Variants in TRHDE observed in about 807,000 individuals in gnomAD.
TRHDE encodes the protein thyrotropin releasing hormone degrading enzyme.
In TRHDE, 72 loss-of-function variants were observed where a neutral mutation model predicts 125.7. That is an observed-to-expected ratio of 0.57 (90% confidence interval 0.47 to 0.70). TRHDE has a LOEUF of 0.70. Among genes scored for constraint, TRHDE ranks in the 30% least tolerant of loss-of-function variants. TRHDE has a pLI of 0.00. For synonymous variants in TRHDE, 509 were observed against 509.1 expected (o/e 1.00, Z 0.00); for missense variants, 1,110 against 1,327.1 (o/e 0.84, Z 2.54).
At chr12:72,224,459 C>T (rs901549423) in intron 2 of TRHDE, among the ~76,000 whole-genome samples, 5 of 152,008 alleles carry the variant, frequency 3.3e-5, no homozygotes, top group Non-Finnish European at 7.4e-5. Flanking sequence ...CCAATTTGCT[C>T]CATATCACTA....
At chr12:72,635,914 T>A (rs887860224) in intron 15 of TRHDE, among the ~76,000 whole-genome samples, 2 of 152,142 alleles carry the variant, frequency 1.3e-5, no homozygotes, top group South Asian at 4.1e-4. Context: ...AGCCTTGTAG[T>A]ATAGTTTGAA....
intron 2 of TRHDE, among the ~76,000 whole-genome samples, chr12:72,173,493 A>G (rs1182385759): frequency 6.6e-6 from 1 of 152,158 alleles, no homozygotes; most frequent in East Asian, 1.9e-4. Context: ...AGAACATAGG[A>G]CACTCTTGAA....
intron 12 of TRHDE, among the ~76,000 whole-genome samples, chr12:72,581,639 A>C (rs1196814780): frequency 6.6e-6 from 1 of 152,208 alleles, no homozygotes; most frequent in African/African-American, 2.4e-5. Context: ...TCTGTTATAG[A>C]CTACTCTGTT....
In TRHDE at chr12:72,469,878, T is replaced by A; in HGVS notation, c.1436T>A (p.Val479Asp). The A allele has an allele frequency of 1.2e-6, 2 of 1,614,102 alleles. No homozygotes were observed. The highest frequency in any genetic ancestry group is 1.7e-6 in the Non-Finnish European group (2 of 1,179,984). Reference sequence around the variant, plus strand: ...TCATCTATTTCTTATTTGCTGGATGTCACCATGGTCATTGTTCATGAGATA... The same window carrying A: ...TCATCTATTTCTTATTTGCTGGATGACACCATGGTCATTGTTCATGAGATA... ...SVSSISYLLD[V>D]TMVIVHEICH... is the part of the protein sequence containing the mutation. Residue 479 changes from valine to aspartate, a missense_variant, in exon 4 of 19, where the codon GTC becomes GAC. Around this residue, in one of 5 missense-constraint regions of TRHDE, gnomAD observed 252 missense variants for 274.8 expected, o/e 0.92. Coordinates refer to ENST00000261180, the MANE Select transcript of TRHDE (RefSeq NM_013381.3).
At chr12:72,094,377 G>T (rs1379109420) in intron 1 of TRHDE, among the ~76,000 whole-genome samples, 1 of 152,114 alleles carries the variant, frequency 6.6e-6, no homozygotes, top group Non-Finnish European at 1.5e-5. Flanking sequence ...GGGTCTGCAG[G>T]CCTGCCTCTG....
chr12:72,374,865 C>A (rs934084919), intron 2 of TRHDE, among the ~76,000 whole-genome samples: 2 of 152,070 alleles, frequency 1.3e-5, no homozygotes, highest in Non-Finnish European at 2.9e-5. Flanking sequence ...AGGTGAATGC[C>A]CTACTTGCAC....
intron 5 of TRHDE, among the ~76,000 whole-genome samples, chr12:72,498,759 C>T (rs1878021485): frequency 6.6e-6 from 1 of 152,166 alleles, no homozygotes; most frequent in Non-Finnish European, 1.5e-5. Flanking sequence ...AGAGCAAATA[C>T]TAATGTCTCA....
intron 1 of TRHDE, among the ~76,000 whole-genome samples, chr12:72,105,204 TG>T (rs1414380467): frequency 6.6e-6 from 1 of 152,202 alleles, no homozygotes; most frequent in African/African-American, 2.4e-5. Flanking sequence ...GTTAAAATTC[TG>T]GGTGAACAGT....
At chr12:72,486,940 G>A (rs1433607747) in intron 5 of TRHDE, among the ~76,000 whole-genome samples, 1 of 152,024 alleles carries the variant, frequency 6.6e-6, no homozygotes, top group African/African-American at 2.4e-5. Context: ...TGAGTGAGGA[G>A]TTAAACAAGA....
In TRHDE at chr12:72,367,396, C is replaced by G. The variant is rs374700605; in HGVS notation, c.1189-10599C>G. On this transcript the variant is annotated intron_variant, in intron 2 of 18. Coordinates refer to ENST00000261180, the MANE Select transcript of TRHDE (RefSeq NM_013381.3). ...ATGAGACGTCAAGGCTCTTTGGGCT[C>G]TGCCATTTGCCACTCCCGGGCCAGT... Among the ~76,000 whole-genome samples, 16 of 152,092 alleles carry G rather than the reference C, an allele frequency of 1.1e-4. 1 individual carries two copies. The South Asian group carries it at 1.7e-3, about 16-fold the overall frequency.
At chr12:72,110,249 G>A (rs573505936) in intron 2 of TRHDE, among the ~76,000 whole-genome samples, 1 of 152,010 alleles carries the variant, frequency 6.6e-6, no homozygotes, top group Non-Finnish European at 1.5e-5. Context: ...TACTCCAAGC[G>A]AGGTCATGTA....
At chr12:72,397,392 G>T (rs1358424580) in intron 3 of TRHDE, among the ~76,000 whole-genome samples, 1 of 151,960 alleles carries the variant, frequency 6.6e-6, no homozygotes. Flanking sequence ...TTTTCCTATT[G>T]TCCATTCTAT....
chr12:72,346,945 G>A (rs537429808), intron 2 of TRHDE, among the ~76,000 whole-genome samples: 1 of 152,136 alleles, frequency 6.6e-6, no homozygotes, highest in East Asian at 1.9e-4. Context: ...TTAGCTTCTG[G>A]TAGTTCCTTG....
At chr12:72,212,561 C>G (rs1877805123) in intron 2 of TRHDE, among the ~76,000 whole-genome samples, 1 of 152,058 alleles carries the variant, frequency 6.6e-6, no homozygotes. Context: ...TTAGACATTT[C>G]TCCCAAGAAG....
At chr12:72,180,986 C>A (rs1877085750) in intron 2 of TRHDE, among the ~76,000 whole-genome samples, 2 of 152,078 alleles carry the variant, frequency 1.3e-5, no homozygotes, top group Admixed American at 1.3e-4. Flanking sequence ...CCTAAATAAT[C>A]CAGAGTGCTA....
At chr12:72,197,560 T>G (rs893902345) in intron 2 of TRHDE, among the ~76,000 whole-genome samples, 5 of 152,194 alleles carry the variant, frequency 3.3e-5, no homozygotes, top group Admixed American at 3.3e-4. Flanking sequence ...GGTTTATTTT[T>G]GGACTTAAGG....
intron 2 of TRHDE, among the ~76,000 whole-genome samples, chr12:72,252,664 T>A (rs1170135988): frequency 2.6e-5 from 4 of 152,102 alleles, no homozygotes; most frequent in East Asian, 3.9e-4. Context: ...GGCTAGCCAA[T>A]GCCTACAAAA....
At chr12:72,418,291 T>A (rs1436948733) in intron 3 of TRHDE, among the ~76,000 whole-genome samples, 1 of 152,076 alleles carries the variant, frequency 6.6e-6, no homozygotes. Context: ...TTAATTAATG[T>A]TAAGTTTAAG....
intron 2 of TRHDE, among the ~76,000 whole-genome samples, chr12:72,304,454 T>C (rs1401820872): frequency 6.6e-6 from 1 of 152,120 alleles, no homozygotes; most frequent in Non-Finnish European, 1.5e-5. Context: ...TAAAATGAAA[T>C]CTTGAAGTTG....
Sources: allele counts gnomAD v4.1 joint callset (sites outside exome capture counted in the v4.1 genomes callset), GRCh38; gene constraint gnomAD v4.1.1; regional missense constraint gnomAD v4.1.1; transcripts MANE v1.5; gene names NCBI Gene and HGNC (gene_info 2026-07-23, HGNC 2026-07-21).